Variants in RIPOR2 observed in about 807,000 individuals in gnomAD.
The protein encoded by RIPOR2 is RHO family interacting cell polarization regulator 2.
RIPOR2 carries 39 observed loss-of-function variants against 114.5 expected under a neutral mutation model. The observed-to-expected ratio is 0.34, with a 90% CI of 0.26 to 0.44. The LOEUF (loss-of-function observed/expected upper bound fraction) is 0.44, where lower values mean the gene tolerates loss of function less well. RIPOR2 is among the 20% of genes least tolerant of loss of function. The pLI, the probability that RIPOR2 is intolerant of heterozygous loss-of-function variation, is 1.00. For missense variants in RIPOR2, 1,007 were observed against 1,255.1 expected, an observed-to-expected ratio of 0.80 and a Z score of 2.99; for synonymous variants, 445 against 484.4, an observed-to-expected ratio of 0.92 and a Z score of 1.07.
intron 21 of RIPOR2, among the ~76,000 whole-genome samples, chr6:24,809,217 A>G (rs1485193908): frequency 1.3e-5 from 2 of 152,340 alleles, no homozygotes; most frequent in East Asian, 1.9e-4. Flanking sequence ...AAGTACTCCA[A>G]TTCTTTTCTT....
rs990499930 is a variant in RIPOR2, at chr6:24,804,305, T to A, written c.*2068A>T. The stretch of plus-strand genomic sequence containing the variant: ...ATGATGCTAGTAATTCAAAAATAAT[T>A]TTTATTTTAACTTACATGACTGAAA... On this transcript the variant is annotated 3_prime_UTR_variant, in exon 22 of 22. Coordinates refer to ENST00000643898, the MANE Select transcript of RIPOR2 (RefSeq NM_001286445.3). 1 of 152,092 alleles carries A rather than the reference T, an allele frequency of 6.6e-6. No homozygotes were observed. The highest frequency in any genetic ancestry group is 6.6e-5 in the Admixed American group (1 of 15,260). The allele number at this position is 152,092 out of a possible 1,614,324, so 9.4% of individuals were successfully genotyped here.
At chr6:25,030,659 T>C (rs1379022760) in intron 1 of RIPOR2, among the ~76,000 whole-genome samples, 1 of 152,172 alleles carries the variant, frequency 6.6e-6, no homozygotes, top group Non-Finnish European at 1.5e-5. Context: ...TCTGGCTTTT[T>C]TTTAAAAGGC....
intron 1 of RIPOR2, among the ~76,000 whole-genome samples, chr6:25,012,712 C>A (rs191987212): frequency 1.5e-4 from 23 of 152,176 alleles, no homozygotes; most frequent in African/African-American, 5.5e-4. Flanking sequence ...TTAGTGCTTG[C>A]CTATGGCTGG....
intron 1 of RIPOR2, among the ~76,000 whole-genome samples, chr6:25,040,857 C>T (rs887621165): frequency 2.2e-4 from 34 of 152,144 alleles, no homozygotes; most frequent in African/African-American, 7.7e-4. Flanking sequence ...TCCCAAAGTG[C>T]TGGGATTACA....
At chr6:25,023,110 C>A (rs932148461) in intron 1 of RIPOR2, 2 of 464,576 alleles carry the variant, frequency 4.3e-6, no homozygotes, top group African/African-American at 2.0e-5. Flanking sequence ...GACCAGGGAA[C>A]AAAGCTGGGG....
chr6:24,916,910 C>A (rs976778173), intron 1 of RIPOR2, among the ~76,000 whole-genome samples: 2 of 152,202 alleles, frequency 1.3e-5, no homozygotes, highest in African/African-American at 4.8e-5. Context: ...TCCACCCCCA[C>A]TTCTAGCTTC....
chr6:24,846,528 AC>A (rs1256289151), intron 12 of RIPOR2, among the ~76,000 whole-genome samples: 1 of 149,886 alleles, frequency 6.7e-6, no homozygotes. Context: ...CTGGTCTTGA[AC>A]TCCTGGGCTC....
chr6:24,884,627 T>C (rs576583750), intron 1 of RIPOR2, among the ~76,000 whole-genome samples: 3 of 152,282 alleles, frequency 2.0e-5, no homozygotes, highest in South Asian at 4.2e-4. Flanking sequence ...GGCCAGATGT[T>C]CTAACTGGCC....
At chr6:24,907,998 C>T (rs1769167647) in intron 1 of RIPOR2, among the ~76,000 whole-genome samples, 1 of 142,070 alleles carries the variant, frequency 7.0e-6, no homozygotes, top group African/African-American at 2.6e-5. Context: ...AATTCCCTTG[C>T]TCCATTGTCT....
At chr6:25,011,059 T>C (rs1451647194) in intron 1 of RIPOR2, among the ~76,000 whole-genome samples, 1 of 152,224 alleles carries the variant, frequency 6.6e-6, no homozygotes, top group African/African-American at 2.4e-5. Flanking sequence ...CCATGTTACT[T>C]CATCCTGTTC....
At chr6:24,820,161 T>A (rs1419778990) in intron 19 of RIPOR2, among the ~76,000 whole-genome samples, 1 of 152,166 alleles carries the variant, frequency 6.6e-6, no homozygotes, top group Non-Finnish European at 1.5e-5. Flanking sequence ...GCCTCCCTAG[T>A]AGCTGGGATT....
chr6:25,024,087 C>G, intron 1 of RIPOR2: 1 of 777,272 alleles, frequency 1.3e-6, no homozygotes, highest in Non-Finnish European at 2.3e-6. Context: ...TCTGGGGGAC[C>G]AGCGAGTACC....
chr6:25,032,778 A>G (rs1777055222), intron 1 of RIPOR2, among the ~76,000 whole-genome samples: 1 of 152,174 alleles, frequency 6.6e-6, no homozygotes. Flanking sequence ...GATTAGATAC[A>G]CTTAAAGTGT....
intron 1 of RIPOR2, among the ~76,000 whole-genome samples, chr6:24,929,004 A>G (rs1230344426): frequency 6.6e-6 from 1 of 152,174 alleles, no homozygotes; most frequent in Admixed American, 6.6e-5. Flanking sequence ...TGCGTGAAGC[A>G]TTTTTTAAGC....
At position 24,924,521 on chromosome 6, in the gene RIPOR2, T is replaced by C. The variant is rs1190085848; in HGVS notation, c.61+11317A>G. Among the ~76,000 whole-genome samples the C allele has an allele frequency of 2.0e-5, 3 of 152,176 alleles. No homozygotes were observed. In the East Asian group the frequency reaches 5.8e-4, roughly 29 times the overall value. ...TAGTCTTACGGTGTTTCTCCTTTTA[T>C]AGGATGTTGCCTTCTGTTCCCTCCC... On this transcript the variant is annotated intron_variant, in intron 1 of 21. Coordinates refer to ENST00000643898, the MANE Select transcript of RIPOR2 (RefSeq NM_001286445.3).
At position 24,897,972 on chromosome 6, in the gene RIPOR2, A is replaced by G. The variant is rs370414450; in HGVS notation, c.62-22155T>C. On this transcript the variant is annotated intron_variant, in intron 1 of 21. Transcript: ENST00000643898. ...CCGGGAGGCGGAGGTTGCAGAGAGC[A>G]GAGATTGAGCCATTGCACTCCAGCC... 4.2e-4 allele frequency among the ~76,000 whole-genome samples: 64 copies of G among 151,848 alleles called. 1 individual carries two copies. In the South Asian group the frequency reaches 0.011, roughly 27 times the overall value.
intron 1 of RIPOR2, among the ~76,000 whole-genome samples, chr6:25,025,832 G>A (rs574657097): frequency 6.6e-6 from 1 of 152,304 alleles, no homozygotes; most frequent in South Asian, 2.1e-4. Context: ...GAGTAAGAGG[G>A]TGGGTTTTCT....
At chr6:24,825,549 A>AGTT in intron 18 of RIPOR2, 121 bp from the exon 19 acceptor site, 1 of 672,102 alleles carries the variant, frequency 1.5e-6, no homozygotes, top group South Asian at 1.9e-5. Context: ...AATACATATG[A>AGTT]AAAATTAGCA....
chr6:24,888,600 C>T (rs1211680601), intron 1 of RIPOR2, among the ~76,000 whole-genome samples: 1 of 152,182 alleles, frequency 6.6e-6, no homozygotes, highest in Non-Finnish European at 1.5e-5. Context: ...GTTTCCTTTG[C>T]CCAACATGTG....
Sources: allele counts gnomAD v4.1 joint callset (sites outside exome capture counted in the v4.1 genomes callset), GRCh38; gene constraint gnomAD v4.1.1; transcripts MANE v1.5; gene names NCBI Gene and HGNC (gene_info 2026-07-23, HGNC 2026-07-21).